Variants in SMCO4 observed in about 807,000 individuals in gnomAD.
SMCO4 encodes the protein single-pass membrane and coiled-coil domain-containing protein 4.
SMCO4 carries 4 observed loss-of-function variants against 3.6 expected under a neutral mutation model. That is an observed-to-expected ratio of 1.11 (90% CI 0.54 to 2.53). The LOEUF is 2.53. SMCO4 is among the 30% of genes most tolerant of loss of function. SMCO4 has a pLI of 0.02. For synonymous variants in SMCO4, 36 were observed against 35.3 expected (o/e 1.02, Z -0.07); for missense variants, 70 against 80.8 (o/e 0.87, Z 0.51).
chr11:93,539,677 A>G (rs1949255930), intron 1 of SMCO4, among the ~76,000 whole-genome samples: 1 of 152,188 alleles, frequency 6.6e-6, no homozygotes, highest in Admixed American at 6.5e-5. Flanking sequence ...ACAATTTACT[A>G]TGGAAACTCA....
chr11:93,484,791 G>A (rs1300788258), intron 2 of SMCO4, among the ~76,000 whole-genome samples: 4 of 151,790 alleles, frequency 2.6e-5, no homozygotes, highest in African/African-American at 7.3e-5. Flanking sequence ...TTTGTTCAAA[G>A]GTTTGATGCG....
chr11:93,505,128 TC>T (rs1565380155), intron 1 of SMCO4, among the ~76,000 whole-genome samples: 1 of 152,258 alleles, frequency 6.6e-6, no homozygotes, highest in Non-Finnish European at 1.5e-5. Flanking sequence ...CAAATGGACA[TC>T]TTTACTGATC....
At chr11:93,497,655 T>C (rs1364834041) in intron 2 of SMCO4, among the ~76,000 whole-genome samples, 1 of 151,368 alleles carries the variant, frequency 6.6e-6, no homozygotes, top group Non-Finnish European at 1.5e-5. Context: ...GATCAGATGG[T>C]TGGGGGGAAC....
intron 1 of SMCO4, among the ~76,000 whole-genome samples, chr11:93,505,037 A>G (rs1948886092): frequency 6.6e-6 from 1 of 152,210 alleles, no homozygotes; most frequent in Non-Finnish European, 1.5e-5. Context: ...CTTATTAAAC[A>G]TGAGGCACTA....
chr11:93,534,349 T>C (rs1439663693), intron 1 of SMCO4, among the ~76,000 whole-genome samples: 5 of 130,116 alleles, frequency 3.8e-5, no homozygotes, highest in African/African-American at 1.5e-4. Context: ...CACATATATA[T>C]ACACATACAT....
chr11:93,547,589 T>C (rs1284735205), upstream of SMCO4, among the ~76,000 whole-genome samples: 1 of 152,224 alleles, frequency 6.6e-6, no homozygotes, highest in Non-Finnish European at 1.5e-5. Context: ...CTGCGTTTGC[T>C]TGCCCACTAC....
At chr11:93,519,540 T>G (rs1192576975) in intron 1 of SMCO4, among the ~76,000 whole-genome samples, 1 of 152,182 alleles carries the variant, frequency 6.6e-6, no homozygotes, top group African/African-American at 2.4e-5. Context: ...AGAGATTAAC[T>G]CCACAGCTCC....
intron 1 of SMCO4, among the ~76,000 whole-genome samples, chr11:93,511,553 TG>T (rs1948957297): frequency 6.6e-6 from 1 of 152,170 alleles, no homozygotes; most frequent in Non-Finnish European, 1.5e-5. Context: ...ATACCTAACT[TG>T]AACATCCCAA....
At chr11:93,519,585 T>G (rs1360252184) in intron 1 of SMCO4, among the ~76,000 whole-genome samples, 2 of 152,334 alleles carry the variant, frequency 1.3e-5, no homozygotes, top group Non-Finnish European at 2.9e-5. Context: ...CAAAGATGCA[T>G]GTGCAAAATA....
chr11:93,513,716 A>C (rs767767718), intron 1 of SMCO4, among the ~76,000 whole-genome samples: 1 of 152,158 alleles, frequency 6.6e-6, no homozygotes, highest in Admixed American at 6.5e-5. Flanking sequence ...GAGGTGACAA[A>C]AGGAATCTTC....
intron 1 of SMCO4, among the ~76,000 whole-genome samples, chr11:93,534,240 ACACACACACACACACACACACAAACACAT>A: frequency 9.4e-5 from 1 of 10,602 alleles, no homozygotes; most frequent in Non-Finnish European, 2.1e-4. Flanking sequence ...ACACACACAC[ACACACACACACACACACACACAAACACAT>A]ATATATATAC....
At chr11:93,508,932 G>C (rs977635217) in intron 1 of SMCO4, among the ~76,000 whole-genome samples, 1 of 152,126 alleles carries the variant, frequency 6.6e-6, no homozygotes, top group Non-Finnish European at 1.5e-5. Context: ...ACCTCATCTA[G>C]GTAAAACTGG....
At chr11:93,486,802 A>G (rs1055255566) in intron 2 of SMCO4, among the ~76,000 whole-genome samples, 2 of 152,210 alleles carry the variant, frequency 1.3e-5, no homozygotes. Context: ...ATGTGAGAAC[A>G]GTAACCAGGC....
At chr11:93,505,533 T>C in intron 1 of SMCO4, among the ~76,000 whole-genome samples, 1 of 152,212 alleles carries the variant, frequency 6.6e-6, no homozygotes, top group East Asian at 1.9e-4. Flanking sequence ...TATGTGATTA[T>C]TTCCCAAAGA....
rs1406705547 is a variant in SMCO4 at position 93,495,224 on chromosome 11, T to A, written c.-81+4052A>T. Among the ~76,000 whole-genome samples the A allele has an allele frequency of 4.6e-5, 7 of 152,164 alleles. 1 individual carries two copies. The South Asian group carries it at 8.3e-4, about 18-fold the overall frequency. On this transcript the variant is annotated intron_variant, in intron 2 of 2. Coordinates refer to ENST00000298966, the MANE Select transcript of SMCO4 (RefSeq NM_020179.3). ...TCTGTGTTCCCAGGACTCTGGGTAA[T>A]AAACTCTATCACAACGCTCATCACA...
At chr11:93,504,643 T>G (rs1046714981) in intron 1 of SMCO4, among the ~76,000 whole-genome samples, 1 of 152,232 alleles carries the variant, frequency 6.6e-6, no homozygotes, top group Non-Finnish European at 1.5e-5. Context: ...AAAACCCTCC[T>G]GCTATCATCT....
intron 1 of SMCO4, among the ~76,000 whole-genome samples, chr11:93,526,323 GACAA>G (rs1419252053): frequency 6.6e-6 from 1 of 150,482 alleles, no homozygotes; most frequent in Non-Finnish European, 1.5e-5. Context: ...AAATTAGGAA[GACAA>G]ACAAGACCAG....
intron 2 of SMCO4, among the ~76,000 whole-genome samples, chr11:93,492,083 G>A (rs1948724134): frequency 6.6e-6 from 1 of 152,172 alleles, no homozygotes; most frequent in Non-Finnish European, 1.5e-5. Context: ...AGAAACAATA[G>A]CACACATCAA....
chr11:93,480,698 G>A (rs1419594613), intron 2 of SMCO4, among the ~76,000 whole-genome samples: 1 of 152,182 alleles, frequency 6.6e-6, no homozygotes, highest in Non-Finnish European at 1.5e-5. Flanking sequence ...TTGTCCCAGG[G>A]TAGTGGGTGG....
Sources: gnomAD v4.1 joint callset for allele counts (sites outside exome capture counted in the v4.1 genomes callset) on GRCh38, gnomAD v4.1.1 for gene constraint, MANE v1.5 for transcripts, NCBI Gene and HGNC (gene_info 2026-07-23, HGNC 2026-07-21) for gene names.